The following FLNC variants were observed in gnomAD, a reference collection of about 807,000 sequenced individuals.
The protein encoded by FLNC is filamin-C.
FLNC carries 91 observed loss-of-function variants against 254.3 expected under a neutral mutation model. That is an observed-to-expected ratio of 0.36 (90% CI 0.30 to 0.43). The LOEUF (loss-of-function observed/expected upper bound fraction) is 0.43, where lower values mean the gene tolerates loss of function less well. Ranked by LOEUF, FLNC falls within the 20% of genes least tolerant of loss-of-function variation. The probability of loss-of-function intolerance (pLI) is 1.00; values close to 1 mark genes in which losing one functional copy is unlikely to be tolerated. For synonymous variants in FLNC, 1,430 were observed against 1,577.2 expected, an observed-to-expected ratio of 0.91 and a Z score of 2.21; for missense variants, 2,853 against 3,802.6, an observed-to-expected ratio of 0.75 and a Z score of 6.57.
chr7:128,837,968 T>C lies in FLNC; in HGVS notation c.970-19T>C. 5 of 1,610,858 alleles carry C rather than the reference T, an allele frequency of 3.1e-6. No individual in the cohort carries two copies. Among genetic ancestry groups the C allele is most frequent in the Non-Finnish European group, 4.2e-6 (5 of 1,177,176 alleles). On this transcript the variant is annotated intron_variant, in intron 5 of 47. Transcript: ENST00000325888. ...CTATGGTCATTGGAGAGGCTTCCAATCTTTTTCCTTCCTAATAGGCTAAGG... is the reference window on the plus strand; with the variant it reads ...CTATGGTCATTGGAGAGGCTTCCAACCTTTTTCCTTCCTAATAGGCTAAGG...
At position 128,846,402 on chromosome 7, in the gene FLNC, T is replaced by G. The variant is rs1276975364; in HGVS notation, c.4066T>G (p.Phe1356Val). Residue 1356 changes from phenylalanine (F) to valine (V), a missense_variant, in exon 23 of 48, where the codon TTC (phenylalanine) becomes GTC (valine). Phe to Val is a conservative substitution (Grantham distance 50). Coordinates refer to ENST00000325888, the MANE Select transcript of FLNC (RefSeq NM_001458.5). Reference protein sequence around the residue: ...EGCDPTRVRAFGPGLEGGLVN... With the variant: ...EGCDPTRVRAVGPGLEGGLVN... ...CTGTGATCCCACCCGCGTCCGAGCC[T>G]TCGGGCCAGGCCTGGAGGGTGGCTT... The G allele has an allele frequency of 1.9e-6, 3 of 1,609,676 alleles. No individual in the cohort carries two copies. In the South Asian group the frequency reaches 3.3e-5, roughly 18 times the overall value.
In FLNC at chr7:128,856,314, G is replaced by A. The variant is rs1809054298; in HGVS notation, c.7252-204G>A. 6.6e-6 allele frequency among the ~76,000 whole-genome samples: 1 copy of A among 152,234 alleles called. No individual in the cohort carries two copies. The highest frequency in any genetic ancestry group is 6.5e-5 in the Admixed American group (1 of 15,290). ...ATCTCCCACACACCAAGCACAGCTA[G>A]GATAGCAGGTGCACACATAGGGTTG... On this transcript the variant is annotated intron_variant, in intron 43 of 47. Transcript: ENST00000325888. This position sits in a 1 kb window ranked among gnomAD's most constrained non-coding sequence, Gnocchi z 5.9.
At chr7:128,833,332 G>A (rs1405058452) in intron 1 of FLNC, among the ~76,000 whole-genome samples, 1 of 152,248 alleles carries the variant, frequency 6.6e-6, no homozygotes, top group Non-Finnish European at 1.5e-5. Flanking sequence ...GGCCTGGGGT[G>A]GCCTCGGGAA....
At chr7:128,843,614 C>T in intron 18 of FLNC, 37 bp downstream of exon 18, 1 of 1,611,028 alleles carries the variant, frequency 6.2e-7, no homozygotes, top group Non-Finnish European at 8.5e-7. Flanking sequence ...GCCCGGCCGG[C>T]CCGCCAGAGC....
rs996654488 is a variant in FLNC, at chr7:128,836,596, C to T, written c.602-564C>T. 2.6e-5 allele frequency among the ~76,000 whole-genome samples: 4 copies of T among 152,210 alleles called. No individual in the cohort carries two copies. Among genetic ancestry groups the T allele is most frequent in the African/African-American group, 9.7e-5 (4 of 41,438 alleles). On this transcript the variant is annotated intron_variant, in intron 2 of 47. Transcript: ENST00000325888. This position sits in a 1 kb window ranked among gnomAD's most constrained non-coding sequence, Gnocchi z 6.0. ...AGGAAGGCAGGGCTCCTGAGGGCTG[C>T]AGAGGAGAAGTCATTCTCTCCTCAC...
Position 128,846,924 on chromosome 7 carries a change from C to A in FLNC, c.4288+19C>A. ...ATCCCAGGTGTGCAGAGAGAGTGGT[C>A]GGGGTCTCAGGGAAGACAAGGGAGG... On this transcript the variant is annotated intron_variant, in intron 24 of 47. Transcript: ENST00000325888. 1 of 1,614,020 alleles carries A rather than the reference C, an allele frequency of 6.2e-7. No individual in the cohort carries two copies. The highest frequency in any genetic ancestry group is 1.1e-5 in the South Asian group (1 of 91,052).
Position 128,851,570 on chromosome 7 carries a change from C to T in FLNC, c.5784C>T (p.Ile1928=). The change falls in exon 35 of 48, where the codon ATC becomes ATT. Residue 1928 remains isoleucine, a synonymous_variant. Transcript: ENST00000325888. The part of the protein sequence containing the change: ...YLPTAPGDYS[I]IVRFDDKHIP... ...CGACTGCGCCTGGAGACTACAGCAT[C>T]ATCGTGCGCTTCGATGACAAGCACA... 1 of 1,614,018 alleles carries T rather than the reference C, an allele frequency of 6.2e-7. No homozygotes were observed. The highest frequency in any genetic ancestry group is 8.5e-7 in the Non-Finnish European group (1 of 1,180,048).
rs1351915127 is a variant in FLNC at position 128,848,658 on chromosome 7, G to A, written c.4678G>A (p.Val1560Met). ...CTCTGGCATCCCTGCCAGCCTGCCT[G>A]TGGAGTTCACCATCGACGCACGGGA... ...NASGIPASLPVEFTIDARDAG... is the reference protein window; with the variant it reads ...NASGIPASLPMEFTIDARDAG... Residue 1560 changes from valine to methionine, a missense_variant, in exon 27 of 48, where the codon GTG (valine) becomes ATG (methionine). By Grantham distance (21) the Val-to-Met change is conservative (BLOSUM62 1). Coordinates refer to ENST00000325888, the MANE Select transcript of FLNC (RefSeq NM_001458.5). The A allele has an allele frequency of 9.3e-6, 15 of 1,613,470 alleles. No individual in the cohort carries two copies. The highest frequency in any genetic ancestry group is 1.3e-5 in the African/African-American group (1 of 74,948).
rs1049500135 is a variant in FLNC at position 128,842,379 on chromosome 7, G to A, written c.2265+5G>A. ...GTGCCCAAGAGCCCCTTCCGGGTGC[G>A]TCCTCCCGGCCTGCCCCGTGCCCAC... is the stretch of plus-strand genomic sequence containing the variant. On this transcript the variant is annotated splice_donor_5th_base_variant and intron_variant, in intron 14 of 47. Transcript: ENST00000325888. This position sits in a 1 kb window ranked among gnomAD's most constrained non-coding sequence, Gnocchi z 5.4. The A allele has an allele frequency of 1.1e-5, 17 of 1,613,234 alleles. No homozygotes were observed. Among genetic ancestry groups the A allele is most frequent in the Non-Finnish European group, 1.4e-5 (17 of 1,179,916 alleles).
intron 7 of FLNC, 32 bp from the exon 8 acceptor site, chr7:128,838,571 A>G (rs777333499): frequency 6.2e-7 from 1 of 1,612,060 alleles, no homozygotes; most frequent in Non-Finnish European, 8.5e-7. Context: ...GTGTGTGTCC[A>G]GAGTGGTGCT....
chr7:128,844,914 G>C lies in FLNC; in HGVS notation c.3449G>C (p.Arg1150Pro), dbSNP rs371372377. The C allele has an allele frequency of 6.2e-7, 1 of 1,613,914 alleles. No homozygotes were observed. Among genetic ancestry groups the C allele is most frequent in the Non-Finnish European group, 8.5e-7 (1 of 1,180,032 alleles). The change falls in exon 21 of 48, where the codon CGG (arginine) becomes CCG (proline). Residue 1150 changes from arginine to proline, a missense_variant. By Grantham distance (103) the Arg-to-Pro change is moderately radical. This residue lies in a region of FLNC where 1,573 missense variants were observed against 1,883.5 expected (regional missense o/e 0.84). Transcript: ENST00000325888. ...IPGSPFKATI[R>P]PVFDPSKVRA... ...GGCTCGCCCTTCAAAGCCACCATTC[G>C]GCCTGTGTTTGACCCGAGCAAGGTG...
At chr7:128,834,591 C>A (rs565439861) in intron 1 of FLNC, among the ~76,000 whole-genome samples, 4 of 150,526 alleles carry the variant, frequency 2.7e-5, no homozygotes, top group African/African-American at 9.8e-5. Context: ...TTAAAATATT[C>A]ATTCAACCAA....
chr7:128,850,810 G>A lies in FLNC; in HGVS notation c.5406G>A (p.Val1802=), dbSNP rs763292158. 6.2e-7 allele frequency: 1 copy of A among 1,613,760 alleles called. No individual in the cohort carries two copies. The highest frequency in any genetic ancestry group is 8.5e-7 in the Non-Finnish European group (1 of 1,180,020). Residue 1802 remains valine (V), a synonymous_variant, in exon 33 of 48, where the codon GTG becomes GTA. Coordinates refer to ENST00000325888, the MANE Select transcript of FLNC (RefSeq NM_001458.5). ...ACTGTGTCTGCCCTGCAGGAGAGGTGCGGATGCCCTCGGGGAAGACGGCAC... is the reference window on the plus strand; with the variant it reads ...ACTGTGTCTGCCCTGCAGGAGAGGTACGGATGCCCTCGGGGAAGACGGCAC... ...AVQKGELTGE[V]RMPSGKTARP... is the part of the protein sequence containing the mutation.
rs1054837194 is a variant in FLNC, at chr7:128,841,709, T to C, written c.2121+142T>C. 7.2e-6 allele frequency: 5 copies of C among 698,942 alleles called. No homozygotes were observed. The highest frequency in any genetic ancestry group is 1.8e-5 in the African/African-American group (1 of 55,898). The allele number at this position is 698,942 out of a possible 1,614,324, so 43.3% of individuals were successfully genotyped here. ...GGCAGGACTGATACTCATGGGCCCA[T>C]CAGTACCATGGAAAATTTTAAATTT... On this transcript the variant is annotated intron_variant, in intron 13 of 47. Coordinates refer to ENST00000325888, the MANE Select transcript of FLNC (RefSeq NM_001458.5). The surrounding 1 kb of genome is among the most constrained non-coding windows in gnomAD (Gnocchi z 4.3).
Position 128,835,669 on chromosome 7 carries a change from C to T in FLNC, c.601+95C>T. ...CAAGGCGTGTGGTTGTCAGAATGCA[C>T]ACCCTGGGGCCTGGGGGCCAGGATC... is the stretch of plus-strand genomic sequence containing the variant. On this transcript the variant is annotated intron_variant, in intron 2 of 47. Transcript: ENST00000325888. This position sits in a 1 kb window ranked among gnomAD's most constrained non-coding sequence, Gnocchi z 5.3. The T allele has an allele frequency of 7.2e-7, 1 of 1,396,550 alleles. No individual in the cohort carries two copies. The highest frequency in any genetic ancestry group is 1.0e-6 in the Non-Finnish European group (1 of 1,002,268). 86.5% of individuals were successfully genotyped at this position (1,396,550 alleles called of 1,614,324 possible). A position where few individuals can be genotyped will look rare whatever the true frequency, so the allele number is the denominator to read the frequency against.
At chr7:128,846,935 G>A (rs376866918) in intron 24 of FLNC, 30 bp downstream of exon 24, 22 of 1,613,482 alleles carry the variant, frequency 1.4e-5, no homozygotes, top group Non-Finnish European at 1.9e-5. Context: ...GGGGTCTCAG[G>A]GAAGACAAGG....
Position 128,838,642 on chromosome 7 carries a change from C to G in FLNC, c.1250C>G (p.Pro417Arg). 1 of 1,613,034 alleles carries G rather than the reference C, an allele frequency of 6.2e-7. No individual in the cohort carries two copies. Among genetic ancestry groups the G allele is most frequent in the Non-Finnish European group, 8.5e-7 (1 of 1,179,994 alleles). ...GATGTTGCTGTGGTGATCGTGGACC[C>G]ACAGGGCCGGCGGGACACAGTGGAG... Reference protein sequence around the residue: ...TGDVAVVIVDPQGRRDTVEVA... With the variant: ...TGDVAVVIVDRQGRRDTVEVA... Residue 417 changes from proline (P) to arginine (R), a missense_variant, in exon 8 of 48, where the codon CCA (proline) becomes CGA (arginine). By Grantham distance (103) the Pro-to-Arg change is moderately radical. Transcript: ENST00000325888.
rs746059257 is a variant in FLNC at position 128,858,502 on chromosome 7, C to T, written c.8157C>T (p.Pro2719=). The part of the protein sequence containing the change: ...KWGDESVPGS[P]FKVKVP ...GTGACGAAAGTGTCCCTGGAAGCCC[C>T]TTCAAAGTCAAGGTCCCTTGAATCC... is the stretch of plus-strand genomic sequence containing the variant. The change falls in exon 48 of 48, where the codon CCC becomes CCT. Residue 2719 remains proline, a synonymous_variant. Transcript: ENST00000325888. This position sits in a 1 kb window ranked among gnomAD's most constrained non-coding sequence, Gnocchi z 6.7. 1.2e-6 allele frequency: 2 copies of T among 1,613,656 alleles called. No homozygotes were observed. Among genetic ancestry groups the T allele is most frequent in the Non-Finnish European group, 1.7e-6 (2 of 1,179,934 alleles).
Position 128,840,374 on chromosome 7 carries a change from G to A in FLNC, c.1550-174G>A, listed in dbSNP as rs185491512. On this transcript the variant is annotated intron_variant, in intron 9 of 47. Coordinates refer to ENST00000325888, the MANE Select transcript of FLNC (RefSeq NM_001458.5). Reference sequence around the variant, plus strand: ...ATTCTCTCCACCCTAAGTGCTATACGGGGTGTTATGCACAGGGATGACAAG... The same window carrying A: ...ATTCTCTCCACCCTAAGTGCTATACAGGGTGTTATGCACAGGGATGACAAG... Among the ~76,000 whole-genome samples, 62 of 152,298 alleles carry A rather than the reference G, an allele frequency of 4.1e-4. 1 individual carries two copies. In the East Asian group the frequency reaches 6.4e-3, roughly 16 times the overall value.
Sources: gnomAD v4.1 joint callset for allele counts (sites outside exome capture counted in the v4.1 genomes callset) on GRCh38, gnomAD v4.1.1 for gene constraint, gnomAD v4.1.1 regional missense constraint, Gnocchi (gnomAD v3.1) non-coding constraint, MANE v1.5 for transcripts, NCBI Gene and HGNC (gene_info 2026-07-23, HGNC 2026-07-21) for gene names.